TP73: variants seen among roughly 807,000 people sequenced by gnomAD.
TP73 encodes the protein tumor protein p73, also known as p53-like transcription factor.
A neutral mutation model predicts 62.5 loss-of-function variants in TP73; 25 were observed. That is an observed-to-expected ratio of 0.40 (90% CI 0.29 to 0.56). The LOEUF is 0.56. Ranked by LOEUF, TP73 falls within the 20% of genes least tolerant of loss-of-function variation. TP73 has a pLI of 0.46. For synonymous variants in TP73, 423 were observed against 377.5 expected (o/e 1.12, Z -1.40); for missense variants, 754 against 913.3 (o/e 0.83, Z 2.25).
Position 3,728,172 on chromosome 1 carries a change from T to C in TP73, c.1029T>C (p.Gly343=), listed in dbSNP as rs1451433136. Reference sequence around the variant, plus strand: ...CTGCCGTCCCCGCCCTTGGTGCCGGTGTGAAGAAGCGGCGGCATGGAGACG... The same window carrying C: ...CTGCCGTCCCCGCCCTTGGTGCCGGCGTGAAGAAGCGGCGGCATGGAGACG... ...SPPAVPALGA[G]VKKRRHGDED... Residue 343 remains glycine (G), a synonymous_variant, in exon 9 of 14, where the codon GGT becomes GGC. Transcript: ENST00000378295. 3.7e-6 allele frequency: 6 copies of C among 1,611,886 alleles called. No homozygotes were observed. The highest frequency in any genetic ancestry group is 2.2e-5 in the South Asian group (2 of 91,082).
At chr1:3,664,038 G>T (rs990648916) in intron 1 of TP73, among the ~76,000 whole-genome samples, 20 of 152,200 alleles carry the variant, frequency 1.3e-4, no homozygotes, top group African/African-American at 4.8e-4. Flanking sequence ...CCCACTGTGA[G>T]CTCGATCTGA....
In TP73 at chr1:3,693,707, C is replaced by T. The variant is rs182635952; in HGVS notation, c.186+10527C>T. On this transcript the variant is annotated intron_variant, in intron 3 of 13. Transcript: ENST00000378295. ...CCTCCCACAATCCCACCCATGCAGC[C>T]TTAGCCCCTCCTCCTGCAATCCCAG... Among the ~76,000 whole-genome samples, 340 of 148,382 alleles carry T rather than the reference C, an allele frequency of 2.3e-3. 1 individual carries two copies. The highest frequency in any genetic ancestry group is 3.8e-3 in the Non-Finnish European group (250 of 66,478).
intron 4 of TP73, among the ~76,000 whole-genome samples, chr1:3,710,007 A>T (rs538363167): frequency 1.3e-5 from 2 of 152,020 alleles, no homozygotes; most frequent in African/African-American, 4.8e-5. Flanking sequence ...AAGGGACTTC[A>T]TGGTTTTGTC....
chr1:3,727,885 C>T (rs1024517285), intron 8 of TP73, 115 bp downstream of exon 8: 43 of 1,394,604 alleles, frequency 3.1e-5, no homozygotes, highest in East Asian at 7.5e-5. Flanking sequence ...CGGCCCCCCA[C>T]GCCCAGACTC....
intron 1 of TP73, among the ~76,000 whole-genome samples, chr1:3,654,773 G>C (rs1489809052): frequency 6.6e-6 from 1 of 152,262 alleles, no homozygotes; most frequent in Non-Finnish European, 1.5e-5. Flanking sequence ...ATCTGCCCAA[G>C]GCGTGGGTGG....
intron 11 of TP73, among the ~76,000 whole-genome samples, chr1:3,730,383 C>T (rs1172280083): frequency 6.6e-6 from 1 of 152,240 alleles, no homozygotes; most frequent in Non-Finnish European, 1.5e-5. Context: ...CACATGCATG[C>T]ACTGCCTCTT....
At chr1:3,665,485 A>G (rs1645090264) in intron 1 of TP73, among the ~76,000 whole-genome samples, 1 of 152,192 alleles carries the variant, frequency 6.6e-6, no homozygotes, top group South Asian at 2.1e-4. Flanking sequence ...CTTTGAAAGT[A>G]TTAGAATAAC....
Position 3,732,921 on chromosome 1 carries a change from G to A in TP73, c.1753G>A (p.Ala585Thr). The change falls in exon 14 of 14, where the codon GCC (alanine) becomes ACC (threonine). Residue 585 changes from alanine to threonine, a missense_variant. This residue lies in a region of TP73 where 458 missense variants were observed against 528.7 expected (regional missense o/e 0.87). Transcript: ENST00000378295. ...ACTGCAGCGCCAGCGGGTCATGGAG[G>A]CCGTGCACTTCCGCGTGCGCCACAC... ...GELQRQRVME[A>T]VHFRVRHTIT... 1.9e-6 allele frequency: 3 copies of A among 1,610,768 alleles called. No homozygotes were observed. Among genetic ancestry groups the A allele is most frequent in the South Asian group, 1.1e-5 (1 of 90,924 alleles).
Position 3,723,353 on chromosome 1 carries a change from G to A in TP73, c.617-1G>A. ...TCTGAAGTGTCGACCCCTCCCGGCA[G>A]GACAGTCTGCTCCAGCCAGCCACCT... is the stretch of plus-strand genomic sequence containing the variant. On this transcript the variant is annotated splice_acceptor_variant, in intron 5 of 13. Coordinates refer to ENST00000378295, the MANE Select transcript of TP73 (RefSeq NM_005427.4). LOFTEE classifies it high-confidence loss of function. The A allele has an allele frequency of 6.2e-7, 1 of 1,612,256 alleles. No homozygotes were observed. The highest frequency in any genetic ancestry group is 8.5e-7 in the Non-Finnish European group (1 of 1,179,586).
Position 3,696,059 on chromosome 1 carries a change from G to GCCGCATGCAGGGAGGAGGAC in TP73, c.187-11489_187-11470dup, listed in dbSNP as rs1468995361. 1.2e-4 allele frequency among the ~76,000 whole-genome samples: 19 copies of GCCGCATGCAGGGAGGAGGAC among 152,224 alleles called. No individual in the cohort carries two copies. Among genetic ancestry groups the GCCGCATGCAGGGAGGAGGAC allele is most frequent in the Non-Finnish European group, 2.6e-4 (18 of 68,036 alleles). On this transcript the variant is annotated intron_variant, in intron 3 of 13. Coordinates refer to ENST00000378295, the MANE Select transcript of TP73 (RefSeq NM_005427.4). This position sits in a 1 kb window ranked among gnomAD's most constrained non-coding sequence, Gnocchi z 4.1. Reference sequence around the variant, plus strand: ...GCAGCCATTGCATAGCTGAGAAGGAGCCGCATGCAGGGAGGAGGACGACGA... The same window carrying GCCGCATGCAGGGAGGAGGAC: ...GCAGCCATTGCATAGCTGAGAAGGAGCCGCATGCAGGGAGGAGGACCCGCATGCAGGGAGGAGGACGACGA...
chr1:3,681,310 G>A lies in TP73; in HGVS notation c.-33-1023G>A, dbSNP rs12059298. 4.8e-3 allele frequency among the ~76,000 whole-genome samples: 729 copies of A among 152,312 alleles called. 4 individuals are homozygous for A. Among genetic ancestry groups the A allele is most frequent in the African/African-American group, 0.015 (617 of 41,572 alleles). ...CACCTCACCGAGGACCTGGGAGGCT[G>A]GCCCAGGGGAGAGGTCACCTCAGCC... On this transcript the variant is annotated intron_variant, in intron 1 of 13. Transcript: ENST00000378295.
chr1:3,715,365 A>G (rs1304953785), intron 4 of TP73, among the ~76,000 whole-genome samples: 1 of 152,098 alleles, frequency 6.6e-6, no homozygotes, highest in African/African-American at 2.4e-5. Flanking sequence ...CCTGGAACCC[A>G]GGGGTGCTTA....
chr1:3,723,271 C>CACA, intron 5 of TP73, 83 bp from the exon 6 acceptor site: 1 of 1,164,182 alleles, frequency 8.6e-7, no homozygotes. Flanking sequence ...TTGAACCCGG[C>CACA]ACAGGGCTGG....
intron 4 of TP73, among the ~76,000 whole-genome samples, chr1:3,716,230 G>A (rs919369467): frequency 1.3e-5 from 2 of 152,216 alleles, no homozygotes; most frequent in Non-Finnish European, 2.9e-5. Flanking sequence ...TGGCCTGGGA[G>A]CCCCGGCTGG....
At position 3,683,089 on chromosome 1, in the gene TP73, C is replaced by T; in HGVS notation, c.95C>T (p.Pro32Leu). The change falls in exon 3 of 14, where the codon CCC becomes CTC. Residue 32 changes from proline (P) to leucine (L), a missense_variant. Physicochemically the swap from Pro to Leu is moderately conservative, Grantham distance 98 (BLOSUM62 -3). This residue lies in a region of TP73 where 235 missense variants were observed against 251.4 expected (regional missense o/e 0.93). Transcript: ENST00000378295. ...LEPDSTYFDL[P>L]QSSRGNNEVV... is the part of the protein sequence containing the mutation. The stretch of plus-strand genomic sequence containing the variant: ...CCAGACAGCACCTACTTCGACCTTC[C>T]CCAGTCAAGCCGGGGGAATAATGAG... The T allele has an allele frequency of 6.2e-7, 1 of 1,611,660 alleles. No homozygotes were observed. Among genetic ancestry groups the T allele is most frequent in the Non-Finnish European group, 8.5e-7 (1 of 1,178,250 alleles).
intron 9 of TP73, among the ~76,000 whole-genome samples, chr1:3,728,902 C>T (rs1261386269): frequency 6.6e-6 from 1 of 152,140 alleles, no homozygotes; most frequent in Non-Finnish European, 1.5e-5. Context: ...GCAGGAGGAT[C>T]GCCTGAGCCC....
chr1:3,666,412 T>C lies in TP73; in HGVS notation c.-34+13771T>C, dbSNP rs919131181. Among the ~76,000 whole-genome samples, 1 of 152,270 alleles carries C rather than the reference T, an allele frequency of 6.6e-6. No homozygotes were observed. Among genetic ancestry groups the C allele is most frequent in the Non-Finnish European group, 1.5e-5 (1 of 68,024 alleles). ...GGTGCCTGGTGCAGAGTAAGCTGTG[T>C]GTTGGTGGGGTGTAATTATGGGTCA... On this transcript the variant is annotated intron_variant, in intron 1 of 13. Transcript: ENST00000378295. The surrounding 1 kb of genome is among the most constrained non-coding windows in gnomAD (Gnocchi z 6.4).
chr1:3,714,781 G>C (rs1205238269), intron 4 of TP73, among the ~76,000 whole-genome samples: 2 of 152,230 alleles, frequency 1.3e-5, no homozygotes, highest in Admixed American at 1.3e-4. Context: ...TGGGCATTCC[G>C]GGGCCCTCTG....
chr1:3,731,148 C>T, intron 12 of TP73, 83 bp downstream of exon 12: 1 of 1,534,168 alleles, frequency 6.5e-7, no homozygotes. Context: ...AGCTGCCCTG[C>T]CCCACCCTGT....
Sources: gnomAD v4.1 joint callset for allele counts (sites outside exome capture counted in the v4.1 genomes callset) on GRCh38, gnomAD v4.1.1 for gene constraint, gnomAD v4.1.1 regional missense constraint, Gnocchi (gnomAD v3.1) non-coding constraint, MANE v1.5 for transcripts, NCBI Gene and HGNC (gene_info 2026-07-23, HGNC 2026-07-21) for gene names.